The following LLGL2 variants were observed in gnomAD, a reference collection of about 807,000 sequenced individuals.
LLGL2 encodes LLGL scribble cell polarity complex component 2, also known as LLGL2, scribble cell polarity complex component.
Under a neutral mutation model 123.2 loss-of-function variants are expected in LLGL2, and 81 were observed. That is an observed-to-expected ratio of 0.66 (90% CI 0.55 to 0.79). The LOEUF is 0.79. Among genes scored for constraint, LLGL2 ranks in the 30% least tolerant of loss-of-function variants. LLGL2 has a pLI of 0.00. For synonymous variants in LLGL2, 577 were observed against 594.1 expected, an observed-to-expected ratio of 0.97 and a Z score of 0.42; for missense variants, 1,273 against 1,414.6, an observed-to-expected ratio of 0.90 and a Z score of 1.61.
rs969445108 is a variant in LLGL2, at chr17:75,549,834, C to A, written c.76-6212C>A. ...AGGCCCCACTGTCTCTGACAGCCAGCCTTTGCCCACTCGCTCCCCTTCCGG... is the reference window on the plus strand; with the variant it reads ...AGGCCCCACTGTCTCTGACAGCCAGACTTTGCCCACTCGCTCCCCTTCCGG... On this transcript the variant is annotated intron_variant, in intron 2 of 25. Transcript: ENST00000392550. This position sits in a 1 kb window ranked among gnomAD's most constrained non-coding sequence, Gnocchi z 4.0. Among the ~76,000 whole-genome samples the A allele has an allele frequency of 1.3e-5, 2 of 152,208 alleles. No individual in the cohort carries two copies. Among genetic ancestry groups the A allele is most frequent in the African/African-American group, 2.4e-5 (1 of 41,444 alleles).
Position 75,559,326 on chromosome 17 carries a change from A to G in LLGL2, c.446A>G (p.Glu149Gly), listed in dbSNP as rs200955265. The G allele has an allele frequency of 4.3e-6, 7 of 1,613,552 alleles. No individual in the cohort carries two copies. The highest frequency in any genetic ancestry group is 5.9e-6 in the Non-Finnish European group (7 of 1,179,966). ...TGCGAGCTGCTCTACCTGGGCACCG[A>G]GAGTGGCAACGTGTTTGTGGTGCAG... Reference protein sequence around the residue: ...SSCELLYLGTESGNVFVVQLP... With the variant: ...SSCELLYLGTGSGNVFVVQLP... Residue 149 changes from glutamate to glycine, a missense_variant, in exon 6 of 26, where the codon GAG becomes GGG. Transcript: ENST00000392550. The surrounding 1 kb of genome is among the most constrained non-coding windows in gnomAD (Gnocchi z 4.6).
chr17:75,560,283 G>T (rs2055142069), intron 6 of LLGL2, among the ~76,000 whole-genome samples: 1 of 152,224 alleles, frequency 6.6e-6, no homozygotes, highest in African/African-American at 2.4e-5. Flanking sequence ...TGTGTCCAAG[G>T]TCAGAGCAGA....
intron 3 of LLGL2, chr17:75,557,839 A>G (rs557441352): frequency 4.8e-6 from 2 of 416,320 alleles, no homozygotes; most frequent in Non-Finnish European, 9.1e-6. Context: ...GCGACAGCCA[A>G]CATGTCTTTT....
Position 75,559,009 on chromosome 17 carries a change from T to G in LLGL2, c.372-243T>G, listed in dbSNP as rs1051245306. 2 of 582,210 alleles carry G rather than the reference T, an allele frequency of 3.4e-6. No individual in the cohort carries two copies. The highest frequency in any genetic ancestry group is 3.0e-6 in the Non-Finnish European group (1 of 328,292). The allele number at this position is 582,210 out of a possible 1,614,324, so 36.1% of individuals were successfully genotyped here. ...CCGCCTCCTCCATCTGCACCCCGCC[T>G]CCTCCATCCGCACCCCGTGTTATGC... On this transcript the variant is annotated intron_variant, in intron 5 of 25. Transcript: ENST00000392550. The surrounding 1 kb of genome is among the most constrained non-coding windows in gnomAD (Gnocchi z 4.6).
intron 13 of LLGL2, 27 bp from the exon 14 acceptor site, chr17:75,569,194 G>A: frequency 3.1e-6 from 5 of 1,612,142 alleles, no homozygotes; most frequent in Non-Finnish European, 4.2e-6. Context: ...CCCCGTGGCT[G>A]CTCACAGGGC....
intron 20 of LLGL2, 37 bp downstream of exon 20, chr17:75,573,315 G>C: frequency 6.4e-7 from 1 of 1,574,082 alleles, no homozygotes; most frequent in Non-Finnish European, 8.7e-7. Context: ...CGGGGCCCCG[G>C]GCACTGCACG....
chr17:75,557,662 CAG>C (rs1305711704), intron 3 of LLGL2: 1 of 285,980 alleles, frequency 3.5e-6, no homozygotes, highest in African/African-American at 2.2e-5. Flanking sequence ...CTGGTGTACA[CAG>C]GGGGCCAGGG....
intron 2 of LLGL2, among the ~76,000 whole-genome samples, chr17:75,553,701 C>T (rs141314483): frequency 0.012 from 1,806 of 152,200 alleles, 43 homozygotes; most frequent in African/African-American, 0.041. Flanking sequence ...CACTATCCCC[C>T]GGGGTGGGAG....
At position 75,549,717 on chromosome 17, in the gene LLGL2, A is replaced by G. The variant is rs1156884539; in HGVS notation, c.75+6216A>G. On this transcript the variant is annotated intron_variant, in intron 2 of 25. Transcript: ENST00000392550. This position sits in a 1 kb window ranked among gnomAD's most constrained non-coding sequence, Gnocchi z 4.0. ...AGCCTCTGAGGGCCTGGTGCCCACC[A>G]CTGCCTCCTTCCCACCCCCTGAGGA... 6.6e-6 allele frequency among the ~76,000 whole-genome samples: 1 copy of G among 152,126 alleles called. No homozygotes were observed. Among genetic ancestry groups the G allele is most frequent in the Non-Finnish European group, 1.5e-5 (1 of 68,010 alleles).
rs1053909327 is a variant in LLGL2 at position 75,568,805 on chromosome 17, C to T, written c.1288C>T (p.Pro430Ser). ...WPIDGGTSLTPAPPQRDLLLT... is the reference protein window; with the variant it reads ...WPIDGGTSLTSAPPQRDLLLT... ...AATTGATGGTGGCACCAGCCTGACC[C>T]CAGCCCCACCCCAGAGGGACCTGCT... Residue 430 changes from proline (P) to serine (S), a missense_variant, in exon 12 of 26, where the codon CCA (proline) becomes TCA (serine). Coordinates refer to ENST00000392550, the MANE Select transcript of LLGL2 (RefSeq NM_001031803.2). 6.3e-7 allele frequency: 1 copy of T among 1,598,826 alleles called. No homozygotes were observed. The highest frequency in any genetic ancestry group is 8.5e-7 in the Non-Finnish European group (1 of 1,171,526).
In LLGL2 at chr17:75,526,374, C is replaced by T. The variant is rs375811978; in HGVS notation, c.-31+549C>T. Among the ~76,000 whole-genome samples, 14 of 152,342 alleles carry T rather than the reference C, an allele frequency of 9.2e-5. 1 individual carries two copies. The East Asian group carries it at 1.4e-3, about 15-fold the overall frequency. On this transcript the variant is annotated intron_variant, in intron 1 of 25. Transcript: ENST00000392550. ...GTCTCCGGCCTTTCTCCAGCTGGGG[C>T]GGCTTTGGACACCTTCACATGACAG...
chr17:75,560,831 A>AC (rs2055183749), intron 6 of LLGL2, among the ~76,000 whole-genome samples: 1 of 106,756 alleles, frequency 9.4e-6, no homozygotes, highest in Non-Finnish European at 1.8e-5. Context: ...AAAAAAAAAA[A>AC]ACAAAGAAAA....
chr17:75,527,490 G>T (rs151152308), intron 1 of LLGL2, among the ~76,000 whole-genome samples: 3,999 of 152,012 alleles, frequency 0.026, 62 homozygotes, highest in Middle Eastern at 0.11. Context: ...TTCCCCTTTG[G>T]TGTCAGATTA....
intron 2 of LLGL2, among the ~76,000 whole-genome samples, chr17:75,555,768 G>A (rs960269790): frequency 2.0e-5 from 3 of 152,210 alleles, no homozygotes; most frequent in Admixed American, 6.5e-5. Context: ...CGTGGTGGAG[G>A]CACCGAGTCA....
intron 6 of LLGL2, chr17:75,562,705 G>T: frequency 2.9e-6 from 1 of 350,740 alleles, no homozygotes; most frequent in Admixed American, 3.9e-5. Flanking sequence ...AGTAGCTGGG[G>T]TTATAGCCAT....
intron 2 of LLGL2, among the ~76,000 whole-genome samples, chr17:75,552,165 T>G (rs2054705411): frequency 6.6e-6 from 1 of 152,058 alleles, no homozygotes; most frequent in African/African-American, 2.4e-5. Context: ...TGAAATTATT[T>G]AAACAAGTGA....
intron 19 of LLGL2, 82 bp downstream of exon 19, chr17:75,572,146 G>T: frequency 7.3e-7 from 1 of 1,370,302 alleles, no homozygotes; most frequent in Non-Finnish European, 1.0e-6. Context: ...AATGATGGCT[G>T]GGACTCAGTC....
Position 75,570,979 on chromosome 17 carries a change from G to T in LLGL2, c.2055G>T (p.Arg685=), listed in dbSNP as rs1026911719. The T allele has an allele frequency of 6.2e-7, 1 of 1,612,164 alleles. No individual in the cohort carries two copies. The highest frequency in any genetic ancestry group is 1.3e-5 in the African/African-American group (1 of 74,944). ...EAQEGSAKAE[R]PGLQNMELAP... ...AGGAGGGGAGTGCCAAGGCTGAGCG[G>T]CCAGGCCTCCAGAACATGGAGCTGG... Residue 685 remains arginine, a synonymous_variant, in exon 17 of 26, where the codon CGG becomes CGT. Coordinates refer to ENST00000392550, the MANE Select transcript of LLGL2 (RefSeq NM_001031803.2).
At chr17:75,543,611 C>T (rs2054300303) in intron 2 of LLGL2, 110 bp downstream of exon 2, 5 of 713,274 alleles carry the variant, frequency 7.0e-6, no homozygotes, top group Non-Finnish European at 1.1e-5. Flanking sequence ...ATGTGACTGC[C>T]TGCAGTGCCT....
Sources: gnomAD v4.1 joint callset for allele counts (sites outside exome capture counted in the v4.1 genomes callset) on GRCh38, gnomAD v4.1.1 for gene constraint, Gnocchi (gnomAD v3.1) non-coding constraint, MANE v1.5 for transcripts, NCBI Gene and HGNC (gene_info 2026-07-23, HGNC 2026-07-21) for gene names.